SAFB: variants seen among roughly 807,000 people sequenced by gnomAD.
The protein encoded by SAFB is scaffold attachment factor B1.
Under a neutral mutation model 101.6 loss-of-function variants are expected in SAFB, and 15 were observed. The ratio of observed to expected loss-of-function variants is 0.15; its 90% CI spans 0.10 to 0.23. The LOEUF (loss-of-function observed/expected upper bound fraction) is 0.23. Among genes scored for constraint, SAFB ranks in the 10% least tolerant of loss-of-function variants. SAFB has a pLI of 1.00. For synonymous variants in SAFB, 449 were observed against 407.5 expected, an observed-to-expected ratio of 1.10 and a Z score of -1.23; for missense variants, 930 against 1,104.1, an observed-to-expected ratio of 0.84 and a Z score of 2.23.
At position 5,647,728 on chromosome 19, in the gene SAFB, T is replaced by G. The variant is rs371168674; in HGVS notation, c.610-288T>G. On this transcript the variant is annotated intron_variant, in intron 5 of 20. Transcript: ENST00000588852. ...AATGAAAACACTGCTCTCCTTGAATTTGAGAGTTCAATCTAGAGGGTCAGG... is the reference window on the plus strand; with the variant it reads ...AATGAAAACACTGCTCTCCTTGAATGTGAGAGTTCAATCTAGAGGGTCAGG... Among the ~76,000 whole-genome samples, 8 of 152,286 alleles carry G rather than the reference T, an allele frequency of 5.3e-5. No individual in the cohort carries two copies. In the East Asian group the frequency reaches 1.3e-3, roughly 26 times the overall value.
At chr19:5,666,109 C>T (rs1278739607) in intron 17 of SAFB, 1 of 152,194 alleles carries the variant, frequency 6.6e-6, no homozygotes, top group Non-Finnish European at 1.5e-5. Flanking sequence ...TTTCCTTTCA[C>T]CTACAATGTG....
At chr19:5,644,791 T>C (rs928278441) in intron 4 of SAFB, among the ~76,000 whole-genome samples, 1 of 152,218 alleles carries the variant, frequency 6.6e-6, no homozygotes, top group African/African-American at 2.4e-5. Context: ...CTTCTTAGAA[T>C]AAAAGCTATT....
At chr19:5,643,219 A>G (rs1221193004) in intron 4 of SAFB, among the ~76,000 whole-genome samples, 1 of 152,112 alleles carries the variant, frequency 6.6e-6, no homozygotes, top group African/African-American at 2.4e-5. Context: ...AGTGATGCAT[A>G]TGAGAAGCTG....
chr19:5,633,142 A>C (rs1427277114), intron 2 of SAFB, among the ~76,000 whole-genome samples: 1 of 152,146 alleles, frequency 6.6e-6, no homozygotes, highest in Non-Finnish European at 1.5e-5. Context: ...GTAGTTGCCA[A>C]ATGGTGATTT....
At chr19:5,643,566 T>TG in intron 4 of SAFB, among the ~76,000 whole-genome samples, 1 of 152,034 alleles carries the variant, frequency 6.6e-6, no homozygotes, top group South Asian at 2.1e-4. Flanking sequence ...GCAGCAGGAG[T>TG]TACTTACCCT....
intron 2 of SAFB, among the ~76,000 whole-genome samples, chr19:5,632,599 G>C (rs1421257287): frequency 6.6e-6 from 1 of 152,098 alleles, no homozygotes; most frequent in Non-Finnish European, 1.5e-5. Context: ...TGTTTCCTTA[G>C]TTTTCTTTAA....
intron 14 of SAFB, among the ~76,000 whole-genome samples, chr19:5,660,326 A>G (rs1338255819): frequency 8.1e-6 from 1 of 123,726 alleles, no homozygotes; most frequent in Non-Finnish European, 1.7e-5. Flanking sequence ...TTTTTTAAGT[A>G]GCTCCCTGCA....
rs780274173 is a variant in SAFB, at chr19:5,667,019, T to C, written c.2335-27T>C. The C allele has an allele frequency of 6.9e-7, 1 of 1,452,178 alleles. No individual in the cohort carries two copies. Among genetic ancestry groups the C allele is most frequent in the Admixed American group, 1.7e-5 (1 of 59,854 alleles). The allele number at this position is 1,452,178 out of a possible 1,614,324, so 90.0% of individuals were successfully genotyped here. On this transcript the variant is annotated intron_variant, in intron 17 of 20. Coordinates refer to ENST00000588852, the MANE Select transcript of SAFB (RefSeq NM_001201338.2). This position sits in a 1 kb window ranked among gnomAD's most constrained non-coding sequence, Gnocchi z 4.0. ...CTGGGCGCTGACACTGAAGCTTTTTTTTCCCTTCTGGCTCTGTGATGTCCA... is the reference window on the plus strand; with the variant it reads ...CTGGGCGCTGACACTGAAGCTTTTTCTTCCCTTCTGGCTCTGTGATGTCCA...
chr19:5,642,092 A>G (rs1187667585), intron 4 of SAFB, 146 bp downstream of exon 4: 9 of 729,768 alleles, frequency 1.2e-5, no homozygotes, highest in Non-Finnish European at 2.2e-5. Context: ...ATGATTCTGA[A>G]CCAATTTGTT....
At chr19:5,635,505 A>G (rs2053577374) in intron 2 of SAFB, among the ~76,000 whole-genome samples, 1 of 152,170 alleles carries the variant, frequency 6.6e-6, no homozygotes, top group Non-Finnish European at 1.5e-5. Flanking sequence ...GGAAGGTATT[A>G]TAGCTTTATA....
intron 8 of SAFB, among the ~76,000 whole-genome samples, chr19:5,650,672 A>G (rs562849287): frequency 2.0e-4 from 31 of 152,208 alleles, no homozygotes; most frequent in Admixed American, 1.7e-3. Flanking sequence ...CAGCCTCCCA[A>G]AGTGCTGGGA....
chr19:5,659,719 C>G (rs2054151917), intron 14 of SAFB, among the ~76,000 whole-genome samples: 1 of 152,066 alleles, frequency 6.6e-6, no homozygotes, highest in Admixed American at 6.6e-5. Context: ...ACAAAGTCTC[C>G]CATAGTCCTG....
At chr19:5,626,985 C>T (rs949799412) in intron 2 of SAFB, among the ~76,000 whole-genome samples, 3 of 152,062 alleles carry the variant, frequency 2.0e-5, no homozygotes, top group African/African-American at 2.4e-5. Flanking sequence ...TTGAGATCAG[C>T]TTGGGCAACA....
At chr19:5,634,791 G>C (rs978435196) in intron 2 of SAFB, among the ~76,000 whole-genome samples, 13 of 152,112 alleles carry the variant, frequency 8.5e-5, no homozygotes, top group Non-Finnish European at 4.4e-5. Context: ...GGTAGTTGCA[G>C]AATAGCAAAT....
intron 8 of SAFB, 76 bp from the exon 9 acceptor site, chr19:5,650,902 C>G: frequency 6.2e-6 from 6 of 973,384 alleles, no homozygotes; most frequent in South Asian, 1.6e-5. Flanking sequence ...AACCATGTCT[C>G]TTTTGGAAAG....
chr19:5,659,339 G>C (rs1222879266), intron 14 of SAFB, among the ~76,000 whole-genome samples: 2 of 152,152 alleles, frequency 1.3e-5, no homozygotes, highest in South Asian at 4.2e-4. Context: ...TTTAAAAGGA[G>C]GGGGAGAGGG....
intron 5 of SAFB, among the ~76,000 whole-genome samples, chr19:5,646,404 C>T (rs181893488): frequency 2.2e-4 from 33 of 152,276 alleles, no homozygotes; most frequent in Admixed American, 1.0e-3. Flanking sequence ...CGGCCATTCC[C>T]GACTCAGAAA....
At chr19:5,638,437 A>AC (rs144901392) in intron 2 of SAFB, among the ~76,000 whole-genome samples, 5,725 of 148,598 alleles carry the variant, frequency 0.039, 384 homozygotes, top group African/African-American at 0.13. Context: ...TCCTGCGTCA[A>AC]CCCCCCCACC....
rs766980077 is a variant in SAFB at position 5,623,329 on chromosome 19, G to A, written c.124G>A (p.Glu42Lys). 6.2e-7 allele frequency: 1 copy of A among 1,614,086 alleles called. No individual in the cohort carries two copies. Among genetic ancestry groups the A allele is most frequent in the Non-Finnish European group, 8.5e-7 (1 of 1,179,936 alleles). ...CCTGCGAGTGATCGATCTGCGGGCG[G>A]AGCTGAGGAAACGGAATGTGGACTC... Reference protein sequence around the residue: ...SDLRVIDLRAELRKRNVDSSG... With the variant: ...SDLRVIDLRAKLRKRNVDSSG... The change falls in exon 1 of 21, where the codon GAG becomes AAG. Residue 42 changes from glutamate (E) to lysine (K), a missense_variant. Glu to Lys is a moderately conservative substitution (Grantham distance 56). This residue lies in a region of SAFB where 119 missense variants were observed against 171.4 expected (regional missense o/e 0.69). Transcript: ENST00000588852.
Sources: gnomAD v4.1 joint callset for allele counts (sites outside exome capture counted in the v4.1 genomes callset) on GRCh38, gnomAD v4.1.1 for gene constraint, gnomAD v4.1.1 regional missense constraint, Gnocchi (gnomAD v3.1) non-coding constraint, MANE v1.5 for transcripts, NCBI Gene and HGNC (gene_info 2026-07-23, HGNC 2026-07-21) for gene names.